The following TNPO1 variants were observed in gnomAD, a reference collection of about 807,000 sequenced individuals.
TNPO1 encodes transportin-1.
Under a neutral mutation model 119.5 loss-of-function variants are expected in TNPO1, and 8 were observed. That is an observed-to-expected ratio of 0.07 (90% CI 0.04 to 0.12). The LOEUF (loss-of-function observed/expected upper bound fraction) is 0.12. Among genes scored for constraint, TNPO1 ranks in the 10% least tolerant of loss-of-function variants. TNPO1 has a pLI of 1.00. For synonymous variants in TNPO1, 362 were observed against 363.0 expected (o/e 1.00, Z 0.03); for missense variants, 576 against 1,089.8 (o/e 0.53, Z 6.64).
chr5:72,907,536 A>G (rs1319198357), intron 24 of TNPO1, among the ~76,000 whole-genome samples: 1 of 152,192 alleles, frequency 6.6e-6, no homozygotes, highest in Non-Finnish European at 1.5e-5. Context: ...AAAACTTGGC[A>G]TGATTGGGTA....
In TNPO1 at chr5:72,867,660, G is replaced by A. The variant is rs150988745; in HGVS notation, c.596+1931G>A. On this transcript the variant is annotated intron_variant, in intron 6 of 24. Transcript: ENST00000337273. ...GACCTTGACAACAGTCTACATCTAA[G>A]TCACAATTTCATACTTCCCTTACAT... 2.0e-3 allele frequency among the ~76,000 whole-genome samples: 303 copies of A among 152,314 alleles called. 3 individuals are homozygous for A. The highest frequency in any genetic ancestry group is 7.0e-3 in the African/African-American group (293 of 41,574).
intron 18 of TNPO1, among the ~76,000 whole-genome samples, chr5:72,894,905 A>T (rs1427229547): frequency 6.6e-6 from 1 of 152,192 alleles, no homozygotes; most frequent in Non-Finnish European, 1.5e-5. Flanking sequence ...GTTGAAACTT[A>T]TATGAAAGGA....
Position 72,914,333 on chromosome 5 carries a change from AATAG to A in TNPO1, c.*5663_*5666del, listed in dbSNP as rs572815341. On this transcript the variant is annotated 3_prime_UTR_variant, in exon 25 of 25. Coordinates refer to ENST00000337273, the MANE Select transcript of TNPO1 (RefSeq NM_002270.4). The stretch of plus-strand genomic sequence containing the variant: ...TATTTACATTTGTATGATGTGACAT[AATAG>A]ATGTGAATGTTAATCACTGCTTGAC... 3.9e-5 allele frequency: 6 copies of A among 152,740 alleles called. No individual in the cohort carries two copies. Among genetic ancestry groups the A allele is most frequent in the South Asian group, 2.1e-4 (1 of 4,828 alleles). 9.5% of individuals were successfully genotyped at this position (152,740 alleles called of 1,614,324 possible). A position where few individuals can be genotyped will look rare whatever the true frequency, so the allele number is the denominator to read the frequency against.
chr5:72,852,099 AT>A lies in TNPO1; in HGVS notation c.205+783del, dbSNP rs546311769. On this transcript the variant is annotated intron_variant, in intron 3 of 24. Coordinates refer to ENST00000337273, the MANE Select transcript of TNPO1 (RefSeq NM_002270.4). ...TATGGTCACATACTATTTTAAAATT[AT>A]TTAGCAAAAAGTGGGATCATTCTAT... Among the ~76,000 whole-genome samples, 11 of 152,314 alleles carry A rather than the reference AT, an allele frequency of 7.2e-5. No individual in the cohort carries two copies. The South Asian group carries it at 1.7e-3, about 23-fold the overall frequency.
intron 1 of TNPO1, among the ~76,000 whole-genome samples, chr5:72,837,031 C>A (rs143783480): frequency 3.3e-4 from 50 of 152,330 alleles, no homozygotes; most frequent in African/African-American, 1.2e-3. Flanking sequence ...ATGCAGCTCT[C>A]CTCTTCTGAG....
intron 22 of TNPO1, 24 bp downstream of exon 22, chr5:72,901,097 T>G (rs747411619): frequency 6.8e-7 from 1 of 1,474,332 alleles, no homozygotes; most frequent in Non-Finnish European, 9.3e-7. Context: ...AAAGATTTGT[T>G]TTTAATGTCT....
intron 12 of TNPO1, among the ~76,000 whole-genome samples, chr5:72,887,803 A>G (rs916557894): frequency 1.3e-5 from 2 of 152,234 alleles, no homozygotes; most frequent in Non-Finnish European, 2.9e-5. Context: ...GAAACACAAT[A>G]AGGCAAGACT....
chr5:72,849,721 A>G (rs948056143), intron 2 of TNPO1, among the ~76,000 whole-genome samples: 25 of 152,234 alleles, frequency 1.6e-4, no homozygotes, highest in African/African-American at 5.1e-4. Context: ...GGATACTTCT[A>G]GTACTGAGGA....
In TNPO1 at chr5:72,893,541, A is replaced by G; in HGVS notation, c.2055+6A>G. ...TAATGTATCAGTGCATGCAGGTGAG[A>G]CTTGAAAGGTGAAAATGAATTGAAG... On this transcript the variant is annotated splice_donor_region_variant and intron_variant, in intron 17 of 24. Coordinates refer to ENST00000337273, the MANE Select transcript of TNPO1 (RefSeq NM_002270.4). 6.2e-7 allele frequency: 1 copy of G among 1,614,164 alleles called. No homozygotes were observed.
At chr5:72,901,686 C>T (rs952384461) in intron 22 of TNPO1, among the ~76,000 whole-genome samples, 1 of 152,168 alleles carries the variant, frequency 6.6e-6, no homozygotes, top group African/African-American at 2.4e-5. Flanking sequence ...TGTTGAATTA[C>T]ACCATGTATA....
chr5:72,843,471 G>A (rs188662009), intron 1 of TNPO1, among the ~76,000 whole-genome samples: 15 of 151,946 alleles, frequency 9.9e-5, no homozygotes, highest in African/African-American at 3.6e-4. Context: ...GCACACACCT[G>A]TAATCCCAGC....
chr5:72,854,100 T>C (rs986359505), intron 3 of TNPO1, among the ~76,000 whole-genome samples: 2 of 152,350 alleles, frequency 1.3e-5, no homozygotes, highest in Middle Eastern at 3.4e-3. Flanking sequence ...TTTAAAATAA[T>C]TATATGGCTG....
intron 1 of TNPO1, among the ~76,000 whole-genome samples, chr5:72,839,234 T>G (rs1298109896): frequency 1.3e-5 from 2 of 152,172 alleles, no homozygotes; most frequent in African/African-American, 4.8e-5. Context: ...CTAATTATTT[T>G]GATTAATTGG....
Position 72,887,817 on chromosome 5 carries a change from T to A in TNPO1, c.1304-261T>A, listed in dbSNP as rs145871212. Among the ~76,000 whole-genome samples the A allele has an allele frequency of 2.6e-3, 389 of 152,336 alleles. 5 individuals are homozygous for A. The highest frequency in any genetic ancestry group is 8.9e-3 in the African/African-American group (372 of 41,580). ...GGAAACACAATAAGGCAAGACTCTC[T>A]TCATTCTCTATGAAGGGTTATTATT... On this transcript the variant is annotated intron_variant, in intron 12 of 24. Transcript: ENST00000337273.
Position 72,893,258 on chromosome 5 carries a change from A to C in TNPO1, c.1896+12A>C. 1.2e-6 allele frequency: 2 copies of C among 1,611,236 alleles called. No individual in the cohort carries two copies. The highest frequency in any genetic ancestry group is 3.4e-5 in the Admixed American group (2 of 59,462). ...TTGCACAAGCCATGGTAATTTTTTT[A>C]AAATGTCTTCCTCTTCTTGACATGG... On this transcript the variant is annotated intron_variant, in intron 16 of 24. Coordinates refer to ENST00000337273, the MANE Select transcript of TNPO1 (RefSeq NM_002270.4).
chr5:72,898,898 T>A (rs537048187), intron 20 of TNPO1, among the ~76,000 whole-genome samples: 1 of 152,286 alleles, frequency 6.6e-6, no homozygotes, highest in East Asian at 1.9e-4. Context: ...ACCCTTTTTT[T>A]ATGAAAGGTT....
In TNPO1 at chr5:72,893,605, A is replaced by C. The variant is rs746065712; in HGVS notation, c.2056-11A>C. Reference sequence around the variant, plus strand: ...GTCACATTGGGGTTAATTTCTTCTTATTTCTTGTAGGATAAAATGCCAGAA... The same window carrying C: ...GTCACATTGGGGTTAATTTCTTCTTCTTTCTTGTAGGATAAAATGCCAGAA... On this transcript the variant is annotated splice_polypyrimidine_tract_variant and intron_variant, in intron 17 of 24. Coordinates refer to ENST00000337273, the MANE Select transcript of TNPO1 (RefSeq NM_002270.4). 4.3e-6 allele frequency: 7 copies of C among 1,614,028 alleles called. No homozygotes were observed. The highest frequency in any genetic ancestry group is 2.7e-5 in the African/African-American group (2 of 74,920).
chr5:72,893,688 G>T lies in TNPO1; in HGVS notation c.2128G>T (p.Val710Phe), dbSNP rs1411581331. The T allele has an allele frequency of 6.2e-7, 1 of 1,614,042 alleles. No homozygotes were observed. The highest frequency in any genetic ancestry group is 2.2e-5 in the East Asian group (1 of 44,902). The change falls in exon 18 of 25, where the codon GTT becomes TTT. Residue 710 changes from valine (V) to phenylalanine (F), a missense_variant. This residue lies in a region of TNPO1 where 162 missense variants were observed against 294.1 expected (regional missense o/e 0.55). Coordinates refer to ENST00000337273, the MANE Select transcript of TNPO1 (RefSeq NM_002270.4). ...GDLTKACFQH[V>F]KPCIADFMPI... ...CCTCACAAAAGCTTGCTTTCAGCATGTTAAGCCTTGTATAGGTATGAATAT... is the reference window on the plus strand; with the variant it reads ...CCTCACAAAAGCTTGCTTTCAGCATTTTAAGCCTTGTATAGGTATGAATAT...
At position 72,822,624 on chromosome 5, in the gene TNPO1, G is replaced by T. The variant is rs376545892; in HGVS notation, c.15+5872G>T. ...TTTTTTTTTTTGGAGATGGAGTCTC[G>T]CTCTGTTGCCCAGGCTGGAGTGCAG... On this transcript the variant is annotated intron_variant, in intron 1 of 24. Coordinates refer to ENST00000337273, the MANE Select transcript of TNPO1 (RefSeq NM_002270.4). Among the ~76,000 whole-genome samples the T allele has an allele frequency of 5.2e-3, 730 of 140,804 alleles. 5 individuals are homozygous for T. The highest frequency in any genetic ancestry group is 0.028 in the Middle Eastern group (7 of 252). 92.4% of individuals were successfully genotyped at this position (140,804 alleles called of 152,430 possible).
Sources: allele counts gnomAD v4.1 joint callset (sites outside exome capture counted in the v4.1 genomes callset), GRCh38; gene constraint gnomAD v4.1.1; regional missense constraint gnomAD v4.1.1; transcripts MANE v1.5; gene names NCBI Gene and HGNC (gene_info 2026-07-23, HGNC 2026-07-21).